Variants in MYOZ3 observed in about 807,000 individuals in gnomAD.
MYOZ3 encodes myozenin-3.
A neutral mutation model predicts 26.5 loss-of-function variants in MYOZ3; 19 were observed. The observed-to-expected ratio is 0.72, with a 90% CI of 0.50 to 1.05. MYOZ3 has a LOEUF of 1.05. MYOZ3 is among the 50% of genes least tolerant of loss of function. The probability of loss-of-function intolerance (pLI) is 0.00; values close to 1 mark genes in which losing one functional copy is unlikely to be tolerated. For missense variants in MYOZ3, 322 were observed against 337.1 expected, an observed-to-expected ratio of 0.96 and a Z score of 0.35; for synonymous variants, 135 against 138.8, an observed-to-expected ratio of 0.97 and a Z score of 0.19.
intron 4 of MYOZ3, 49 bp from the exon 5 acceptor site, chr5:150,671,706 G>A: frequency 6.2e-7 from 1 of 1,613,358 alleles, no homozygotes; most frequent in South Asian, 1.1e-5. Flanking sequence ...GAGCGCGGCT[G>A]GGGGCGGGAG....
intron 2 of MYOZ3, among the ~76,000 whole-genome samples, chr5:150,667,486 G>A (rs1758827933): frequency 6.6e-6 from 1 of 152,122 alleles, no homozygotes; most frequent in Non-Finnish European, 1.5e-5. Context: ...TACCTGCCTG[G>A]TGCCAATTCC....
chr5:150,675,229 T>TGTGC, intron 6 of MYOZ3, among the ~76,000 whole-genome samples: 1 of 152,074 alleles, frequency 6.6e-6, no homozygotes, highest in African/African-American at 2.4e-5. Context: ...ATGGCGTTTG[T>TGTGC]GTGTGTGTGG....
chr5:150,667,199 C>A (rs1328168406), intron 2 of MYOZ3, among the ~76,000 whole-genome samples: 1 of 152,170 alleles, frequency 6.6e-6, no homozygotes, highest in Non-Finnish European at 1.5e-5. Context: ...ACCCAAGTGA[C>A]CCCCAGTACT....
intron 2 of MYOZ3, among the ~76,000 whole-genome samples, chr5:150,665,226 G>A (rs1007855074): frequency 6.6e-6 from 1 of 152,200 alleles, no homozygotes; most frequent in Non-Finnish European, 1.5e-5. Flanking sequence ...CGGAAGGGAA[G>A]GAGGAATGCA....
chr5:150,666,648 T>TATATAC (rs1424650796), intron 2 of MYOZ3, among the ~76,000 whole-genome samples: 11 of 143,042 alleles, frequency 7.7e-5, no homozygotes, highest in African/African-American at 2.9e-4. Context: ...TATATATATA[T>TATATAC]ACACACACAT....
chr5:150,673,928 C>CACACGT (rs1758966119), intron 6 of MYOZ3, among the ~76,000 whole-genome samples: 1 of 152,158 alleles, frequency 6.6e-6, no homozygotes, highest in African/African-American at 2.4e-5. Flanking sequence ...TTGCTCAGAC[C>CACACGT]ACACGTGGAG....
At chr5:150,660,907 AAGG>A (rs1160710790), upstream of MYOZ3, 1 of 152,096 alleles carries the variant, frequency 6.6e-6, no homozygotes, top group Non-Finnish European at 1.5e-5. Flanking sequence ...GAAGGAAGAA[AAGG>A]ATAAGTCAAG....
intron 2 of MYOZ3, among the ~76,000 whole-genome samples, chr5:150,663,590 A>C (rs1409210512): frequency 6.6e-6 from 1 of 152,228 alleles, no homozygotes; most frequent in Non-Finnish European, 1.5e-5. Context: ...CATTTCATTA[A>C]AAAAGTTTAA....
At chr5:150,672,031 C>T in intron 5 of MYOZ3, 123 bp downstream of exon 5, 1 of 1,344,306 alleles carries the variant, frequency 7.4e-7, no homozygotes, top group Non-Finnish European at 1.0e-6. Context: ...CACACGCGCA[C>T]GCGCGCACTC....
At chr5:150,670,373 G>A (rs1758882631) in intron 2 of MYOZ3, 111 bp from the exon 3 acceptor site, 1 of 1,250,590 alleles carries the variant, frequency 8.0e-7, no homozygotes, top group Non-Finnish European at 1.0e-6. Context: ...GTGTCGGCAA[G>A]CTTGGTGAGA....
At chr5:150,664,666 T>C (rs781000371) in intron 2 of MYOZ3, among the ~76,000 whole-genome samples, 13 of 152,166 alleles carry the variant, frequency 8.5e-5, no homozygotes, top group Non-Finnish European at 1.2e-4. Context: ...ATTTTGGAAA[T>C]GAGAATATTG....
intron 6 of MYOZ3, among the ~76,000 whole-genome samples, chr5:150,676,408 G>A (rs1010111181): frequency 3.3e-5 from 5 of 152,100 alleles, no homozygotes; most frequent in Middle Eastern, 3.4e-3. Flanking sequence ...GCCGGGCATG[G>A]TGGCACGTGC....
chr5:150,670,913 A>G (rs1554114090), intron 3 of MYOZ3: 1 of 245,862 alleles, frequency 4.1e-6, no homozygotes, highest in Non-Finnish European at 7.6e-6. Flanking sequence ...AAAAAAAGCT[A>G]AGACAGGCAT....
Position 150,676,706 on chromosome 5 carries a change from G to A in MYOZ3, c.588-1G>A, listed in dbSNP as rs1170600137. The stretch of plus-strand genomic sequence containing the variant: ...CCTCTCCTGCTGCTCTCTTTCTCCA[G>A]GACCCCGGTGCCATTTGGAGGACCC... On this transcript the variant is annotated splice_acceptor_variant, in intron 6 of 6. Coordinates refer to ENST00000517768, the MANE Select transcript of MYOZ3 (RefSeq NM_001122853.3). LOFTEE classifies it high-confidence loss of function. The A allele has an allele frequency of 1.2e-6, 2 of 1,613,470 alleles. No individual in the cohort carries two copies. The highest frequency in any genetic ancestry group is 2.2e-5 in the East Asian group (1 of 44,866).
intron 6 of MYOZ3, among the ~76,000 whole-genome samples, chr5:150,673,548 G>A (rs1758958302): frequency 1.3e-5 from 2 of 152,048 alleles, no homozygotes; most frequent in African/African-American, 4.8e-5. Context: ...CACTATGTTG[G>A]CCGGGCTGGT....
At chr5:150,663,065 C>T (rs1283745375) in intron 2 of MYOZ3, 63 bp downstream of exon 2, 13 of 1,417,508 alleles carry the variant, frequency 9.2e-6, no homozygotes, top group Non-Finnish European at 1.3e-5. Context: ...CCAGGCTGCA[C>T]TCACTCTGGC....
intron 2 of MYOZ3, among the ~76,000 whole-genome samples, chr5:150,664,569 G>A (rs1437712829): frequency 6.6e-6 from 1 of 152,164 alleles, no homozygotes; most frequent in African/African-American, 2.4e-5. Flanking sequence ...CTTACTATGT[G>A]GCAGATACTT....
chr5:150,674,572 A>G (rs1394572152), intron 6 of MYOZ3, among the ~76,000 whole-genome samples: 2 of 152,356 alleles, frequency 1.3e-5, no homozygotes, highest in East Asian at 3.9e-4. Flanking sequence ...GGGGTGGTCC[A>G]GGCAGAAATG....
intron 6 of MYOZ3, among the ~76,000 whole-genome samples, chr5:150,674,854 A>T (rs1286899068): frequency 1.3e-5 from 2 of 152,164 alleles, no homozygotes; most frequent in Non-Finnish European, 2.9e-5. Flanking sequence ...TACTAAAAAT[A>T]CAAAAATTAG....
Sources: allele counts gnomAD v4.1 joint callset (sites outside exome capture counted in the v4.1 genomes callset), GRCh38; gene constraint gnomAD v4.1.1; transcripts MANE v1.5; gene names NCBI Gene and HGNC (gene_info 2026-07-23, HGNC 2026-07-21).